The following LRRK2 variants were observed in gnomAD, a reference collection of about 807,000 sequenced individuals.
LRRK2 encodes leucine rich repeat kinase 2, also known as leucine-rich repeat serine/threonine-protein kinase 2.
A neutral mutation model predicts 302.6 loss-of-function variants in LRRK2; 203 were observed. The observed-to-expected ratio is 0.67, with a 90% CI of 0.60 to 0.75. LRRK2 has a LOEUF of 0.75. Ranked by LOEUF, LRRK2 falls within the 30% of genes least tolerant of loss-of-function variation. The pLI is 0.00. For synonymous variants in LRRK2, 1,066 were observed against 1,031.9 expected, an observed-to-expected ratio of 1.03 and a Z score of -0.63; for missense variants, 2,830 against 2,951.0, an observed-to-expected ratio of 0.96 and a Z score of 0.95.
chr12:40,349,342 C>A (rs1392238533), intron 43 of LRRK2, among the ~76,000 whole-genome samples: 2 of 152,110 alleles, frequency 1.3e-5, no homozygotes, highest in African/African-American at 4.8e-5. Flanking sequence ...TTATTTTTCT[C>A]ATCCAGGAAT....
intron 2 of LRRK2, 25 bp downstream of exon 2, chr12:40,225,665 C>G: frequency 6.4e-7 from 1 of 1,573,262 alleles, no homozygotes; most frequent in Non-Finnish European, 8.7e-7. Context: ...TTCACTTCAA[C>G]TCATTCTCCC....
At chr12:40,235,800 T>TTG in intron 4 of LRRK2, 86 bp downstream of exon 4, 2 of 767,468 alleles carry the variant, frequency 2.6e-6, no homozygotes, top group Admixed American at 2.5e-5. Context: ...TGTGTTTTTT[T>TTG]TTTTTTTTTT....
intron 41 of LRRK2, among the ~76,000 whole-genome samples, chr12:40,346,532 A>G (rs920898461): frequency 1.3e-5 from 2 of 152,184 alleles, no homozygotes; most frequent in African/African-American, 4.8e-5. Flanking sequence ...TAAAGATTGA[A>G]GGATTTTATT....
At position 40,346,773 on chromosome 12, in the gene LRRK2, G is replaced by T. The variant is rs771406353; in HGVS notation, c.6130G>T (p.Ala2044Ser). The T allele has an allele frequency of 6.2e-6, 10 of 1,613,744 alleles. No homozygotes were observed. Among genetic ancestry groups the T allele is most frequent in the South Asian group, 1.1e-5 (1 of 91,066 alleles). Residue 2044 changes from alanine to serine, a missense_variant, in exon 42 of 51, where the codon GCC (alanine) becomes TCC (serine). This residue lies in a region of LRRK2 where 253 missense variants were observed against 346.7 expected (regional missense o/e 0.73). Coordinates refer to ENST00000298910, the MANE Select transcript of LRRK2 (RefSeq NM_198578.4). ...GTPGFRAPEV[A>S]RGNVIYNQQA... is the part of the protein sequence containing the mutation. ...TTCAGGGTTTCGTGCACCTGAAGTT[G>T]CCAGAGGAAATGTCATTTATAACCA...
In LRRK2 at chr12:40,346,834, A is replaced by G. The variant is rs1159812449; in HGVS notation, c.6191A>G (p.Tyr2064Cys). Residue 2064 changes from tyrosine to cysteine, a missense_variant, in exon 42 of 51, where the codon TAT (tyrosine) becomes TGT (cysteine). Physicochemically the swap from Tyr to Cys is radical, Grantham distance 194. Around this residue, in one of 3 missense-constraint regions of LRRK2, gnomAD observed 253 missense variants for 346.7 expected, o/e 0.73. Transcript: ENST00000298910. ...GTTTATTCATTTGGTTTACTACTCTATGACATTTTGACAACTGGAGGTAGA... is the reference window on the plus strand; with the variant it reads ...GTTTATTCATTTGGTTTACTACTCTGTGACATTTTGACAACTGGAGGTAGA... ...ADVYSFGLLL[Y>C]DILTTGGRIV... 3 of 1,613,898 alleles carry G rather than the reference A, an allele frequency of 1.9e-6. No individual in the cohort carries two copies. The highest frequency in any genetic ancestry group is 1.3e-5 in the African/African-American group (1 of 75,038).
rs201867251 is a variant in LRRK2, at chr12:40,230,669, T to TC, written c.238-1605_238-1604insC. On this transcript the variant is annotated intron_variant, in intron 2 of 50. Coordinates refer to ENST00000298910, the MANE Select transcript of LRRK2 (RefSeq NM_198578.4). ...AGAGGGTACATATATGCACTTTCTC[T>TC]TTTTTTTTTTTTTTTTGACCATGTC... Among the ~76,000 whole-genome samples, 326 of 78,960 alleles carry TC rather than the reference T, an allele frequency of 4.1e-3. 9 individuals carry two copies. In the East Asian group the frequency reaches 0.15, roughly 36 times the overall value. The allele number at this position is 78,960 out of a possible 152,430, so 51.8% of individuals were successfully genotyped here.
chr12:40,317,095 A>C (rs1180647702), intron 33 of LRRK2, among the ~76,000 whole-genome samples: 10 of 152,080 alleles, frequency 6.6e-5, no homozygotes, highest in Non-Finnish European at 1.5e-5. Context: ...CTATGACTGC[A>C]ATAAAATTCC....
intron 25 of LRRK2, among the ~76,000 whole-genome samples, chr12:40,301,553 T>G (rs1004577947): frequency 2.6e-5 from 4 of 152,198 alleles, no homozygotes; most frequent in Non-Finnish European, 5.9e-5. Context: ...TTCGATTCAT[T>G]TATTTTGCGA....
intron 5 of LRRK2, among the ~76,000 whole-genome samples, chr12:40,239,524 A>G (rs1269656891): frequency 4.6e-5 from 7 of 152,204 alleles, no homozygotes; most frequent in Non-Finnish European, 1.0e-4. Flanking sequence ...GAGGTAGACC[A>G]TAGAATGTTA....
At chr12:40,317,476 A>C (rs17443951) in intron 33 of LRRK2, among the ~76,000 whole-genome samples, 47 of 152,214 alleles carry the variant, frequency 3.1e-4, no homozygotes, top group Non-Finnish European at 5.7e-4. Context: ...TTCATGGTGC[A>C]GAAGCTCTAA....
intron 46 of LRRK2, among the ~76,000 whole-genome samples, chr12:40,358,217 A>G (rs1294192338): frequency 2.6e-5 from 4 of 152,016 alleles, no homozygotes; most frequent in African/African-American, 9.7e-5. Context: ...TTTGCTGTGC[A>G]GAAGCTTTTT....
At chr12:40,269,530 T>C (rs575365190) in intron 14 of LRRK2, among the ~76,000 whole-genome samples, 43 of 152,266 alleles carry the variant, frequency 2.8e-4, no homozygotes, top group African/African-American at 1.0e-3. Flanking sequence ...GCAACACATA[T>C]GTAGCATGAG....
rs1944317172 is a variant in LRRK2, at chr12:40,294,851, A to G, written c.2815A>G (p.Ile939Val). Residue 939 changes from isoleucine to valine, a missense_variant, in exon 22 of 51, where the codon ATT (isoleucine) becomes GTT (valine). Physicochemically the swap from Ile to Val is conservative, Grantham distance 29. Coordinates refer to ENST00000298910, the MANE Select transcript of LRRK2 (RefSeq NM_198578.4). ...LQRHSNSLGP[I>V]FDHEDLLKRK... is the part of the protein sequence containing the mutation. ...ATAAATTATTTTTTAATAGGGGCCC[A>G]TTTTTGATCATGAAGATTTACTGAA... is the stretch of plus-strand genomic sequence containing the variant. 2.6e-6 allele frequency: 4 copies of G among 1,532,364 alleles called. No homozygotes were observed. In the South Asian group the frequency reaches 4.6e-5, roughly 18 times the overall value. 94.9% of individuals were successfully genotyped at this position (1,532,364 alleles called of 1,614,324 possible).
chr12:40,239,769 A>G (rs542667287), intron 5 of LRRK2, among the ~76,000 whole-genome samples: 91 of 152,194 alleles, frequency 6.0e-4, no homozygotes, highest in Admixed American at 2.6e-3. Flanking sequence ...TTCACATTAT[A>G]TTATAGGGAC....
At chr12:40,301,074 A>G (rs1020721890) in intron 25 of LRRK2, 24 of 457,594 alleles carry the variant, frequency 5.2e-5, no homozygotes, top group Non-Finnish European at 7.5e-5. Flanking sequence ...GGTGCATACA[A>G]TTAATTATCT....
At chr12:40,279,926 A>G (rs1456216637) in intron 18 of LRRK2, among the ~76,000 whole-genome samples, 1 of 152,216 alleles carries the variant, frequency 6.6e-6, no homozygotes, top group African/African-American at 2.4e-5. Context: ...CCAGAGCAAA[A>G]TAAGGTAATC....
intron 42 of LRRK2, among the ~76,000 whole-genome samples, chr12:40,347,353 T>C (rs1314346385): frequency 2.6e-5 from 4 of 152,234 alleles, no homozygotes; most frequent in African/African-American, 9.6e-5. Flanking sequence ...TTTAATGTTA[T>C]CAAAGCTCAT....
In LRRK2 at chr12:40,295,468, A is replaced by G. The variant is rs374617843; in HGVS notation, c.2920A>G (p.Ile974Val). Residue 974 changes from isoleucine (I) to valine (V), a missense_variant, in exon 23 of 51, where the codon ATT (isoleucine) becomes GTT (valine). Ile to Val is a conservative substitution (Grantham distance 29). This residue lies in a region of LRRK2 where 2,121 missense variants were observed against 2,148.0 expected (regional missense o/e 0.99). Transcript: ENST00000298910. ...ATCCCATATGAGGCATTCAGACAGCATTTCTTCTCTGGCTTCTGAGAGAGA... is the reference window on the plus strand; with the variant it reads ...ATCCCATATGAGGCATTCAGACAGCGTTTCTTCTCTGGCTTCTGAGAGAGA... ...LQSHMRHSDS[I>V]SSLASEREYI... The G allele has an allele frequency of 1.2e-6, 2 of 1,613,620 alleles. No individual in the cohort carries two copies. Among genetic ancestry groups the G allele is most frequent in the African/African-American group, 2.7e-5 (2 of 74,926 alleles).
intron 40 of LRRK2, among the ~76,000 whole-genome samples, chr12:40,335,853 G>A (rs7302841): frequency 0.31 from 47,249 of 152,016 alleles, 7,452 homozygotes; most frequent in South Asian, 0.37. Flanking sequence ...CAGTCACCCT[G>A]TTACACCTGA....
Sources: allele counts gnomAD v4.1 joint callset (sites outside exome capture counted in the v4.1 genomes callset), GRCh38; gene constraint gnomAD v4.1.1; regional missense constraint gnomAD v4.1.1; transcripts MANE v1.5; gene names NCBI Gene and HGNC (gene_info 2026-07-23, HGNC 2026-07-21).